FBLN2: variants seen among roughly 807,000 people sequenced by gnomAD.
The protein encoded by FBLN2 is fibulin 2, also known as fibulin-2.
FBLN2 carries 81 observed loss-of-function variants against 123.7 expected under a neutral mutation model. The ratio of observed to expected loss-of-function variants is 0.65; its 90% CI spans 0.55 to 0.79. The LOEUF is 0.79. Ranked by LOEUF, FBLN2 falls within the 30% of genes least tolerant of loss-of-function variation. The pLI is 0.00. For missense variants in FBLN2, 1,603 were observed against 1,681.3 expected, an observed-to-expected ratio of 0.95 and a Z score of 0.81; for synonymous variants, 699 against 701.4, an observed-to-expected ratio of 1.00 and a Z score of 0.05.
intron 5 of FBLN2, among the ~76,000 whole-genome samples, chr3:13,614,427 T>A (rs147183083): frequency 1.3e-5 from 2 of 152,312 alleles, no homozygotes; most frequent in Non-Finnish European, 2.9e-5. Context: ...CCCTGTCTAC[T>A]TTGTCTATAC....
At chr3:13,573,518 C>T (rs1704031152) in intron 2 of FBLN2, among the ~76,000 whole-genome samples, 1 of 152,166 alleles carries the variant, frequency 6.6e-6, no homozygotes, top group Admixed American at 6.5e-5. Context: ...GCCCCAAGCT[C>T]CCCAAGGTCA....
At chr3:13,612,331 CTTTCTTTCT>C (rs1705428044) in intron 4 of FBLN2, among the ~76,000 whole-genome samples, 1 of 101,560 alleles carries the variant, frequency 9.8e-6, no homozygotes, top group South Asian at 3.3e-4. Context: ...TTCTTTCTTT[CTTTCTTTCT>C]TTTCTTTCTT....
chr3:13,578,100 C>T (rs1704207152), intron 2 of FBLN2, among the ~76,000 whole-genome samples: 1 of 152,226 alleles, frequency 6.6e-6, no homozygotes, highest in Non-Finnish European at 1.5e-5. Flanking sequence ...CCGGACCCAA[C>T]CCATCTTGAG....
intron 4 of FBLN2, 55 bp from the exon 5 acceptor site, chr3:13,613,929 C>T: frequency 6.4e-6 from 10 of 1,566,942 alleles, no homozygotes; most frequent in Non-Finnish European, 8.6e-6. Flanking sequence ...CTCCCCTGAG[C>T]CTAGCTCCAG....
At chr3:13,585,611 C>T (rs766286732) in intron 2 of FBLN2, among the ~76,000 whole-genome samples, 1 of 152,164 alleles carries the variant, frequency 6.6e-6, no homozygotes, top group African/African-American at 2.4e-5. Flanking sequence ...GCAAACCTAC[C>T]GCACTGCCAG....
chr3:13,586,842 G>GT (rs1459326155), intron 2 of FBLN2, among the ~76,000 whole-genome samples: 2 of 136,266 alleles, frequency 1.5e-5, no homozygotes, highest in Non-Finnish European at 3.0e-5. Context: ...AGATTTAAAA[G>GT]TTAAAAAAAA....
At chr3:13,618,704 C>T (rs1447905244) in intron 6 of FBLN2, among the ~76,000 whole-genome samples, 200 bp from the exon 7 acceptor site, 1 of 152,096 alleles carries the variant, frequency 6.6e-6, no homozygotes, top group Non-Finnish European at 1.5e-5. Flanking sequence ...TTCCTTCTAC[C>T]CCCTCTGCCC....
intron 2 of FBLN2, among the ~76,000 whole-genome samples, chr3:13,591,128 G>A (rs945725397): frequency 6.6e-6 from 1 of 152,136 alleles, no homozygotes; most frequent in Non-Finnish European, 1.5e-5. Context: ...AGCTCACTGT[G>A]GCCTTTATTT....
intron 2 of FBLN2, among the ~76,000 whole-genome samples, chr3:13,594,581 G>C (rs1355048559): frequency 6.6e-6 from 1 of 152,172 alleles, no homozygotes; most frequent in Non-Finnish European, 1.5e-5. Context: ...TGCCTCCCTG[G>C]GTCTTGGTTT....
intron 2 of FBLN2, among the ~76,000 whole-genome samples, chr3:13,582,634 T>G (rs1443143074): frequency 6.6e-6 from 1 of 152,064 alleles, no homozygotes; most frequent in East Asian, 1.9e-4. Flanking sequence ...CCTCTGCCGC[T>G]CGTGGCTGTG....
chr3:13,637,155 G>A (rs892139943), intron 17 of FBLN2, among the ~76,000 whole-genome samples: 4 of 152,304 alleles, frequency 2.6e-5, no homozygotes, highest in South Asian at 2.1e-4. Context: ...CCAGCCACAC[G>A]GCCCGGCACT....
intron 2 of FBLN2, among the ~76,000 whole-genome samples, chr3:13,605,775 C>G (rs1339745805): frequency 1.3e-5 from 2 of 152,196 alleles, no homozygotes; most frequent in African/African-American, 2.4e-5. Context: ...AGTGGTGCCA[C>G]ATCTCTCCAG....
rs1704349078 is a variant in FBLN2 at position 13,582,064 on chromosome 3, A to G, written c.1306+10403A>G. On this transcript the variant is annotated intron_variant, in intron 2 of 17. Coordinates refer to ENST00000404922, the MANE Select transcript of FBLN2 (RefSeq NM_001004019.2). Reference sequence around the variant, plus strand: ...GGGCTTACTGTTGGCTTCCTCCCAGAGCTGTGTTCTCAATGGGAAGAAAGC... The same window carrying G: ...GGGCTTACTGTTGGCTTCCTCCCAGGGCTGTGTTCTCAATGGGAAGAAAGC... 2.6e-5 allele frequency among the ~76,000 whole-genome samples: 4 copies of G among 152,064 alleles called. No homozygotes were observed. In the South Asian group the frequency reaches 8.3e-4, roughly 32 times the overall value.
rs747949111 is a variant in FBLN2, at chr3:13,609,500, C to G, written c.1419-13C>G. The G allele has an allele frequency of 6.5e-7, 1 of 1,534,642 alleles. No homozygotes were observed. Among genetic ancestry groups the G allele is most frequent in the South Asian group, 1.2e-5 (1 of 81,602 alleles). ...GTGGGCGACTGGGGGCTAAGTTACCCCCTCTGTTTCAGGACAGCCCAGAGG... is the reference window on the plus strand; with the variant it reads ...GTGGGCGACTGGGGGCTAAGTTACCGCCTCTGTTTCAGGACAGCCCAGAGG... On this transcript the variant is annotated splice_polypyrimidine_tract_variant and intron_variant, in intron 3 of 17. Coordinates refer to ENST00000404922, the MANE Select transcript of FBLN2 (RefSeq NM_001004019.2).
At chr3:13,605,619 G>A (rs142754843) in intron 2 of FBLN2, among the ~76,000 whole-genome samples, 4 of 152,260 alleles carry the variant, frequency 2.6e-5, no homozygotes, top group Non-Finnish European at 1.5e-5. Flanking sequence ...GGACACCCAG[G>A]CTGTCCGCAA....
chr3:13,560,113 T>C (rs1194450360), intron 1 of FBLN2, among the ~76,000 whole-genome samples: 1 of 152,230 alleles, frequency 6.6e-6, no homozygotes, highest in East Asian at 1.9e-4. Context: ...AAAGGTTGAT[T>C]AAAAGTCACG....
intron 4 of FBLN2, 85 bp downstream of exon 4, chr3:13,609,727 A>G: frequency 6.7e-7 from 1 of 1,502,580 alleles, no homozygotes; most frequent in Non-Finnish European, 9.0e-7. Flanking sequence ...TCGTGGCCCA[A>G]GAAGTTAGGC....
Position 13,618,155 on chromosome 3 carries a change from T to C in FBLN2, c.1809T>C (p.Asp603=). 1.9e-6 allele frequency: 3 copies of C among 1,613,724 alleles called. No individual in the cohort carries two copies. Among genetic ancestry groups the C allele is most frequent in the Non-Finnish European group, 2.5e-6 (3 of 1,179,898 alleles). ...EAELPNSLPG[D]DQDECLLLPG... ...AGCTGCCGAACAGCCTGCCGGGCGA[T>C]GACCAGGATGAGTGCCTTCTCCTCC... The change falls in exon 6 of 18, where the codon GAT becomes GAC. Residue 603 remains aspartate (D), a synonymous_variant. Transcript: ENST00000404922.
chr3:13,591,002 T>C (rs959545598), intron 2 of FBLN2, among the ~76,000 whole-genome samples: 3 of 152,238 alleles, frequency 2.0e-5, no homozygotes, highest in African/African-American at 7.2e-5. Context: ...CAAAGTACAT[T>C]GCCAATTTGC....
Sources: allele counts gnomAD v4.1 joint callset (sites outside exome capture counted in the v4.1 genomes callset), GRCh38; gene constraint gnomAD v4.1.1; transcripts MANE v1.5; gene names NCBI Gene and HGNC (gene_info 2026-07-23, HGNC 2026-07-21).